Variants in OPCML observed in about 807,000 individuals in gnomAD.
The protein encoded by OPCML is opioid binding protein/cell adhesion molecule like, also known as opioid-binding protein/cell adhesion molecule.
A neutral mutation model predicts 37.8 loss-of-function variants in OPCML; 13 were observed. That is an observed-to-expected ratio of 0.34 (90% CI 0.22 to 0.55). OPCML has a LOEUF of 0.55. Among genes scored for constraint, OPCML ranks in the 20% least tolerant of loss-of-function variants. The pLI is 0.91. For missense variants in OPCML, 341 were observed against 435.6 expected, an observed-to-expected ratio of 0.78 and a Z score of 1.93; for synonymous variants, 176 against 168.8, an observed-to-expected ratio of 1.04 and a Z score of -0.33.
intron 3 of OPCML, among the ~76,000 whole-genome samples, chr11:132,577,003 A>G (rs1392095818): frequency 6.6e-6 from 1 of 152,160 alleles, no homozygotes; most frequent in Non-Finnish European, 1.5e-5. Context: ...CTGGATGCAC[A>G]AACCATCCCC....
At chr11:132,651,668 A>G (rs1407522966) in intron 3 of OPCML, among the ~76,000 whole-genome samples, 1 of 152,162 alleles carries the variant, frequency 6.6e-6, no homozygotes, top group Non-Finnish European at 1.5e-5. Context: ...GATCAGCAAT[A>G]TCTAGGACTG....
chr11:132,862,492 A>AC (rs1346143584), intron 2 of OPCML, among the ~76,000 whole-genome samples: 9 of 152,108 alleles, frequency 5.9e-5, no homozygotes, highest in Admixed American at 6.5e-5. Flanking sequence ...GAAAAAAAAA[A>AC]AAAAAACTCT....
chr11:132,921,449 T>G (rs1320418476), intron 2 of OPCML, among the ~76,000 whole-genome samples: 2 of 152,232 alleles, frequency 1.3e-5, no homozygotes, highest in Non-Finnish European at 2.9e-5. Context: ...TAGCACAATG[T>G]GTGGGGACTA....
At chr11:133,371,819 G>A (rs376091353) in intron 1 of OPCML, among the ~76,000 whole-genome samples, 9 of 152,130 alleles carry the variant, frequency 5.9e-5, no homozygotes, top group South Asian at 4.1e-4. Flanking sequence ...AATTCTATAC[G>A]TACTGGAATA....
At chr11:132,895,573 GGATCTGTAAGTT>G (rs1943807782) in intron 2 of OPCML, among the ~76,000 whole-genome samples, 1 of 152,200 alleles carries the variant, frequency 6.6e-6, no homozygotes. Flanking sequence ...AGACAGAATG[GGATCTGTAAGTT>G]GAGATGGGGA....
At chr11:132,681,468 G>A (rs1282490458) in intron 2 of OPCML, among the ~76,000 whole-genome samples, 1 of 152,044 alleles carries the variant, frequency 6.6e-6, no homozygotes, top group Admixed American at 6.6e-5. Flanking sequence ...TTTTCAGAAA[G>A]GAGTCCAGTC....
At chr11:132,485,078 AT>A (rs758611124) in intron 4 of OPCML, among the ~76,000 whole-genome samples, 3 of 147,978 alleles carry the variant, frequency 2.0e-5, no homozygotes, top group Non-Finnish European at 3.0e-5. Flanking sequence ...TAATAAAAAA[AT>A]AATAATAATA....
intron 2 of OPCML, among the ~76,000 whole-genome samples, chr11:132,697,982 ATT>A (rs1943660138): frequency 7.1e-5 from 1 of 14,134 alleles, no homozygotes; most frequent in African/African-American, 3.5e-4. Flanking sequence ...TTTTCTATTT[ATT>A]TATTTATTTA....
At chr11:133,294,550 T>C (rs1942573272) in intron 1 of OPCML, among the ~76,000 whole-genome samples, 1 of 152,094 alleles carries the variant, frequency 6.6e-6, no homozygotes, top group African/African-American at 2.4e-5. Context: ...CATTTCTTCA[T>C]TGATGAAGAA....
chr11:133,042,892 C>T (rs775156262), intron 1 of OPCML, among the ~76,000 whole-genome samples: 8 of 152,068 alleles, frequency 5.3e-5, no homozygotes, highest in Admixed American at 5.2e-4. Context: ...CATCAACCTG[C>T]TACTGTAATT....
intron 1 of OPCML, among the ~76,000 whole-genome samples, chr11:132,965,621 C>T (rs1426730014): frequency 6.6e-6 from 1 of 152,136 alleles, no homozygotes; most frequent in African/African-American, 2.4e-5. Context: ...CAATTTCTGC[C>T]TCCTGAGTTC....
chr11:132,897,791 G>A (rs138262289), intron 2 of OPCML, among the ~76,000 whole-genome samples: 1 of 152,318 alleles, frequency 6.6e-6, no homozygotes, highest in East Asian at 1.9e-4. Flanking sequence ...TGATTCACAG[G>A]CTGGATGGTC....
chr11:133,059,553 A>C (rs1397690349), intron 1 of OPCML, among the ~76,000 whole-genome samples: 1 of 152,214 alleles, frequency 6.6e-6, no homozygotes, highest in Non-Finnish European at 1.5e-5. Flanking sequence ...CCCAAACGCC[A>C]GTTTCACTTA....
intron 4 of OPCML, among the ~76,000 whole-genome samples, chr11:132,475,143 T>G (rs2096151076): frequency 1.3e-5 from 2 of 152,140 alleles, no homozygotes; most frequent in Admixed American, 1.3e-4. Context: ...TTTGGAGAGT[T>G]CTTTATGAAA....
intron 2 of OPCML, among the ~76,000 whole-genome samples, chr11:132,787,447 C>T (rs1241652238): frequency 2.6e-5 from 4 of 152,096 alleles, no homozygotes; most frequent in Non-Finnish European, 5.9e-5. Flanking sequence ...TCAGTCCTTA[C>T]TAATTGAGGG....
chr11:133,133,545 A>T (rs1949636517), intron 1 of OPCML, among the ~76,000 whole-genome samples: 1 of 151,898 alleles, frequency 6.6e-6, no homozygotes, highest in Non-Finnish European at 1.5e-5. Flanking sequence ...TCCCCTTTCC[A>T]GAAGAACCCC....
At chr11:132,521,357 G>A (rs2096293178) in intron 4 of OPCML, among the ~76,000 whole-genome samples, 2 of 152,038 alleles carry the variant, frequency 1.3e-5, no homozygotes, top group Admixed American at 6.6e-5. Flanking sequence ...GGTTTATTTT[G>A]CTGTGCAGAA....
intron 2 of OPCML, among the ~76,000 whole-genome samples, chr11:132,684,298 A>T (rs966891918): frequency 1.3e-5 from 2 of 152,318 alleles, no homozygotes; most frequent in East Asian, 3.9e-4. Flanking sequence ...TCTTTGAGAT[A>T]GGCAACTTTA....
At chr11:133,033,755 G>A (rs1438976050) in intron 1 of OPCML, among the ~76,000 whole-genome samples, 2 of 152,180 alleles carry the variant, frequency 1.3e-5, no homozygotes, top group Non-Finnish European at 2.9e-5. Context: ...AAAATATGCA[G>A]CTAGTGGTTA....
Sources: allele counts gnomAD v4.1 joint callset (sites outside exome capture counted in the v4.1 genomes callset), GRCh38; gene constraint gnomAD v4.1.1; transcripts MANE v1.5; gene names NCBI Gene and HGNC (gene_info 2026-07-23, HGNC 2026-07-21).